The following SAMMSON variants were observed in gnomAD, a reference collection of about 807,000 sequenced individuals.
The protein encoded by SAMMSON is long intergenic non-protein coding RNA 1212.
intron 4 of SAMMSON, among the ~76,000 whole-genome samples, chr3:70,161,058 T>C (rs2067613019): frequency 6.6e-6 from 1 of 152,084 alleles, no homozygotes; most frequent in Admixed American, 6.6e-5. Context: ...GTTCTAAGCT[T>C]TGGCTTTGTT....
chr3:70,104,065 A>G (rs1263931588), intron 4 of SAMMSON, among the ~76,000 whole-genome samples: 1 of 150,574 alleles, frequency 6.6e-6, no homozygotes, highest in African/African-American at 2.5e-5. Flanking sequence ...CTTCTGTGGT[A>G]GAACGGAAAA....
intron 7 of SAMMSON, among the ~76,000 whole-genome samples, chr3:70,348,901 G>C (rs1434660959): frequency 5.3e-5 from 8 of 152,122 alleles, no homozygotes; most frequent in African/African-American, 7.2e-5. Context: ...TGAGCTATAT[G>C]AAGAGAGACA....
intron 4 of SAMMSON, among the ~76,000 whole-genome samples, chr3:70,231,430 C>A (rs1467740622): frequency 6.6e-6 from 1 of 152,184 alleles, no homozygotes; most frequent in Non-Finnish European, 1.5e-5. Flanking sequence ...GCTCCCGACG[C>A]CTTCCTGAGT....
At chr3:70,226,457 G>C (rs955830866) in intron 4 of SAMMSON, among the ~76,000 whole-genome samples, 9 of 152,282 alleles carry the variant, frequency 5.9e-5, no homozygotes, top group Middle Eastern at 3.4e-3. Flanking sequence ...AGTGTTCAAG[G>C]CTGGGCGCAG....
intron 4 of SAMMSON, among the ~76,000 whole-genome samples, chr3:70,134,548 A>G (rs2067498123): frequency 6.6e-6 from 1 of 152,148 alleles, no homozygotes; most frequent in South Asian, 2.1e-4. Flanking sequence ...GTGTAAACAT[A>G]TGACTTAACT....
At chr3:70,323,764 A>C (rs1702555870) in intron 7 of SAMMSON, among the ~76,000 whole-genome samples, 1 of 151,928 alleles carries the variant, frequency 6.6e-6, no homozygotes, top group African/African-American at 2.4e-5. Context: ...GGCATACCTT[A>C]TTGTTGTGAG....
chr3:70,378,979 T>TTTTATTTA lies in SAMMSON; in HGVS notation n.914-10551_914-10544dup, dbSNP rs145138282. Among the ~76,000 whole-genome samples, 1,354 of 141,490 alleles carry TTTTATTTA rather than the reference T, an allele frequency of 9.6e-3. 12 individuals carry two copies. The highest frequency in any genetic ancestry group is 0.013 in the South Asian group (57 of 4,324). 92.8% of individuals were successfully genotyped at this position (141,490 alleles called of 152,430 possible). ...AAACATTGCAGGGGTATACTTACAC[T>TTTTATTTA]TTTATTTATTTATTTATTTATTTAT... On this transcript the variant is annotated intron_variant and non_coding_transcript_variant, in intron 9 of 9. Coordinates refer to ENST00000642114, the Ensembl canonical transcript of SAMMSON.
chr3:70,008,546 G>T lies in SAMMSON; in HGVS notation n.23-3811G>T, dbSNP rs537257990. Among the ~76,000 whole-genome samples the T allele has an allele frequency of 2.6e-5, 4 of 152,276 alleles. No individual in the cohort carries two copies. The South Asian group carries it at 8.3e-4, about 32-fold the overall frequency. ...GCTTAAGGAGATTTTGGGCTGAGAT[G>T]ATGGGGTTTTCTAGATATACAGTCA... is the stretch of plus-strand genomic sequence containing the variant. On this transcript the variant is annotated intron_variant and non_coding_transcript_variant, in intron 1 of 9. Transcript: ENST00000642114.
At chr3:70,124,922 A>T (rs531926095) in intron 4 of SAMMSON, 2 of 501,110 alleles carry the variant, frequency 4.0e-6, no homozygotes, top group African/African-American at 1.9e-5. Context: ...CAATACACTG[A>T]TTTAAAGGCA....
intron 3 of SAMMSON, among the ~76,000 whole-genome samples, chr3:70,038,991 C>G (rs1397864620): frequency 6.6e-6 from 1 of 152,014 alleles, no homozygotes; most frequent in Non-Finnish European, 1.5e-5. Context: ...GAGCCTGAGA[C>G]AGGGATGTGG....
chr3:70,110,824 C>T (rs775943371), intron 4 of SAMMSON, among the ~76,000 whole-genome samples: 23 of 152,210 alleles, frequency 1.5e-4, no homozygotes, highest in East Asian at 3.9e-4. Context: ...CCTGAACGTA[C>T]GCCACCTACT....
intron 6 of SAMMSON, among the ~76,000 whole-genome samples, chr3:70,274,057 G>A (rs983130523): frequency 1.1e-4 from 1 of 9,178 alleles, no homozygotes; most frequent in Admixed American, 1.0e-3. Flanking sequence ...TTAAACCTCC[G>A]TGTGTGTGTG....
intron 4 of SAMMSON, among the ~76,000 whole-genome samples, chr3:70,185,027 A>G (rs1221571876): frequency 1.7e-4 from 26 of 152,346 alleles, no homozygotes; most frequent in Non-Finnish European, 1.5e-5. Flanking sequence ...CTGGGTCTCC[A>G]TCAGTAGCTT....
At chr3:70,391,410 A>G (rs975515520), downstream of SAMMSON, among the ~76,000 whole-genome samples, 1 of 152,050 alleles carries the variant, frequency 6.6e-6, no homozygotes, top group Non-Finnish European at 1.5e-5. Flanking sequence ...GGTTCATTTC[A>G]TGTTGGCACC....
At chr3:70,379,704 C>T (rs1393232508) in intron 9 of SAMMSON, among the ~76,000 whole-genome samples, 2 of 152,078 alleles carry the variant, frequency 1.3e-5, no homozygotes, top group African/African-American at 4.8e-5. Flanking sequence ...ATAGCTTTCC[C>T]AGCAGCTTAG....
intron 6 of SAMMSON, among the ~76,000 whole-genome samples, chr3:70,255,762 G>T (rs966719925): frequency 3.9e-5 from 6 of 152,138 alleles, no homozygotes; most frequent in African/African-American, 1.4e-4. Flanking sequence ...CAGCCAGGGG[G>T]CTATTTTTCA....
At chr3:70,383,348 A>T (rs1329872240) in intron 9 of SAMMSON, among the ~76,000 whole-genome samples, 2 of 31,066 alleles carry the variant, frequency 6.4e-5, no homozygotes, top group Non-Finnish European at 1.4e-4. Context: ...AAATAAAAAT[A>T]AAAAAAAAAA....
chr3:70,280,371 A>T (rs1702068511), intron 6 of SAMMSON, among the ~76,000 whole-genome samples: 1 of 152,138 alleles, frequency 6.6e-6, no homozygotes, highest in South Asian at 2.1e-4. Flanking sequence ...GGTTCCAGGA[A>T]TCAGGACCTG....
chr3:70,144,904 C>T lies in SAMMSON; in HGVS notation n.507+73339C>T, dbSNP rs531814415. Among the ~76,000 whole-genome samples the T allele has an allele frequency of 1.6e-4, 24 of 152,200 alleles. No individual in the cohort carries two copies. The East Asian group carries it at 4.5e-3, about 28-fold the overall frequency. ...ATTAACCTCTTTCTTTTGTAAATTG[C>T]CCAATCTCGGGTATGTCTTTATCAG... On this transcript the variant is annotated intron_variant and non_coding_transcript_variant, in intron 4 of 9. Transcript: ENST00000642114.
Sources: allele counts gnomAD v4.1 joint callset (sites outside exome capture counted in the v4.1 genomes callset), GRCh38; gene constraint gnomAD v4.1.1; transcripts MANE v1.5; gene names NCBI Gene and HGNC (gene_info 2026-07-23, HGNC 2026-07-21).